PPP1R37: variants seen among roughly 807,000 people sequenced by gnomAD.
PPP1R37 encodes the protein leucine rich repeat containing 68.
PPP1R37 carries 21 observed loss-of-function variants against 61.0 expected under a neutral mutation model. That is an observed-to-expected ratio of 0.34 (90% CI 0.24 to 0.50). The LOEUF is 0.50. Ranked by LOEUF, PPP1R37 falls within the 20% of genes least tolerant of loss-of-function variation. The pLI, the probability that PPP1R37 is intolerant of heterozygous loss-of-function variation, is 0.98. For missense variants in PPP1R37, 910 were observed against 952.7 expected (o/e 0.96, Z 0.59); for synonymous variants, 443 against 433.5 (o/e 1.02, Z -0.27).
At chr19:45,115,597 A>G (rs1968256214) in intron 1 of PPP1R37, among the ~76,000 whole-genome samples, 1 of 152,092 alleles carries the variant, frequency 6.6e-6, no homozygotes, top group Non-Finnish European at 1.5e-5. Flanking sequence ...GGGATAATAA[A>G]CCCTACCTAT....
chr19:45,112,045 T>G (rs1391764510), intron 1 of PPP1R37, among the ~76,000 whole-genome samples: 1 of 152,026 alleles, frequency 6.6e-6, no homozygotes, highest in Non-Finnish European at 1.5e-5. Flanking sequence ...CTTGGCTCAC[T>G]ACAACCTCTG....
At chr19:45,110,527 C>T (rs922179545) in intron 1 of PPP1R37, among the ~76,000 whole-genome samples, 1 of 152,148 alleles carries the variant, frequency 6.6e-6, no homozygotes, top group African/African-American at 2.4e-5. Context: ...GTGTTTTCCC[C>T]TATAATATGC....
chr19:45,115,537 C>T (rs1214065894), intron 1 of PPP1R37, among the ~76,000 whole-genome samples: 3 of 152,146 alleles, frequency 2.0e-5, no homozygotes, highest in African/African-American at 4.8e-5. Context: ...GCTCGAATCC[C>T]GGCTCTGACT....
chr19:45,094,454 C>T (rs1967966324), intron 1 of PPP1R37, among the ~76,000 whole-genome samples: 1 of 152,004 alleles, frequency 6.6e-6, no homozygotes, highest in African/African-American at 2.4e-5. Flanking sequence ...TGGCCGGGTG[C>T]ATTGGCTCAG....
chr19:45,098,957 C>T (rs1314681173), intron 1 of PPP1R37, among the ~76,000 whole-genome samples: 1 of 152,140 alleles, frequency 6.6e-6, no homozygotes, highest in Non-Finnish European at 1.5e-5. Context: ...GTGACTTTGG[C>T]GATTGTTCTC....
At chr19:45,129,180 C>A (rs1968445792) in intron 1 of PPP1R37, 1 of 343,086 alleles carries the variant, frequency 2.9e-6, no homozygotes, top group Non-Finnish European at 5.9e-6. Flanking sequence ...TGTCGGGGAG[C>A]CCCTGCCCTT....
At chr19:45,097,683 G>A (rs1006217099) in intron 1 of PPP1R37, among the ~76,000 whole-genome samples, 13 of 152,144 alleles carry the variant, frequency 8.5e-5, no homozygotes, top group Admixed American at 3.9e-4. Flanking sequence ...CCGCCTGCTG[G>A]GGCTGCTGTT....
intron 1 of PPP1R37, among the ~76,000 whole-genome samples, chr19:45,098,343 G>T (rs138137383): frequency 1.3e-5 from 2 of 152,182 alleles, no homozygotes; most frequent in African/African-American, 4.8e-5. Flanking sequence ...CCTGAGGCTC[G>T]GCTGGTCTCC....
intron 8 of PPP1R37, chr19:45,144,616 T>G: frequency 1.9e-6 from 1 of 530,626 alleles, no homozygotes; most frequent in Non-Finnish European, 3.3e-6. Flanking sequence ...AGGGACTGAC[T>G]GGGTGCCTGG....
chr19:45,105,352 G>A (rs1029531001), intron 1 of PPP1R37, among the ~76,000 whole-genome samples: 1 of 152,156 alleles, frequency 6.6e-6, no homozygotes, highest in South Asian at 2.1e-4. Context: ...CTTGCTGGGG[G>A]TCATAGGCCA....
chr19:45,142,293 C>G lies in PPP1R37; in HGVS notation c.719-10C>G. The stretch of plus-strand genomic sequence containing the variant: ...CCTGCCCAGTCACCGTGCCCCCTCC[C>G]CGTCCCCAGCCACGGCCCTGAAGAT... On this transcript the variant is annotated splice_polypyrimidine_tract_variant and intron_variant, in intron 6 of 12. Coordinates refer to ENST00000221462, the MANE Select transcript of PPP1R37 (RefSeq NM_019121.2). 1 of 1,535,838 alleles carries G rather than the reference C, an allele frequency of 6.5e-7. No homozygotes were observed. Among genetic ancestry groups the G allele is most frequent in the Non-Finnish European group, 8.7e-7 (1 of 1,146,738 alleles).
At chr19:45,120,458 G>T (rs1255359461) in intron 1 of PPP1R37, among the ~76,000 whole-genome samples, 1 of 152,226 alleles carries the variant, frequency 6.6e-6, no homozygotes, top group African/African-American at 2.4e-5. Flanking sequence ...TCCACTGCGT[G>T]GATGAACTCT....
intron 1 of PPP1R37, among the ~76,000 whole-genome samples, chr19:45,104,290 A>G (rs1192501678): frequency 1.3e-5 from 2 of 152,108 alleles, no homozygotes; most frequent in Admixed American, 1.3e-4. Flanking sequence ...AGAGGGCTGC[A>G]TCCTGTCCAT....
At chr19:45,094,709 CAA>C (rs1335618375) in intron 1 of PPP1R37, among the ~76,000 whole-genome samples, 7 of 148,442 alleles carry the variant, frequency 4.7e-5, no homozygotes, top group South Asian at 2.1e-4. Flanking sequence ...GCCTGGGTGA[CAA>C]GAGCAAAACT....
intron 1 of PPP1R37, chr19:45,108,587 G>A (rs1204057406): frequency 1.3e-5 from 2 of 151,300 alleles, no homozygotes. Flanking sequence ...GTTTTAGCGA[G>A]CGTTCTTTTG....
intron 1 of PPP1R37, among the ~76,000 whole-genome samples, chr19:45,122,715 G>A (rs1968356877): frequency 6.6e-6 from 1 of 152,062 alleles, no homozygotes; most frequent in Admixed American, 6.5e-5. Flanking sequence ...GGGGTAACAG[G>A]TGCAAAGACC....
At chr19:45,139,127 G>C (rs1270836775) in intron 2 of PPP1R37, among the ~76,000 whole-genome samples, 2 of 151,824 alleles carry the variant, frequency 1.3e-5, no homozygotes, top group African/African-American at 4.8e-5. Flanking sequence ...ATGTTGGCCA[G>C]ACTGGTCTCA....
intron 8 of PPP1R37, chr19:45,144,528 G>T: frequency 5.6e-6 from 2 of 354,174 alleles, no homozygotes; most frequent in Non-Finnish European, 1.0e-5. Context: ...TCAAACCCCG[G>T]GATAAGAGTT....
At position 45,130,322 on chromosome 19, in the gene PPP1R37, T is replaced by C. The variant is rs1429112407; in HGVS notation, c.203-8192T>C. On this transcript the variant is annotated intron_variant, in intron 1 of 12. Transcript: ENST00000221462. The surrounding 1 kb of genome is among the most constrained non-coding windows in gnomAD (Gnocchi z 4.4). ...GAGCCTGAATCCATCCTGTTGCTGC[T>C]CTGCCCCTCGCCCCCAGTGGCTCCG... 3.9e-5 allele frequency among the ~76,000 whole-genome samples: 6 copies of C among 152,170 alleles called. No homozygotes were observed. The highest frequency in any genetic ancestry group is 9.7e-5 in the African/African-American group (4 of 41,430).
Sources: allele counts gnomAD v4.1 joint callset (sites outside exome capture counted in the v4.1 genomes callset), GRCh38; gene constraint gnomAD v4.1.1; non-coding constraint Gnocchi (gnomAD v3.1); transcripts MANE v1.5; gene names NCBI Gene and HGNC (gene_info 2026-07-23, HGNC 2026-07-21).